Variants in GPR19 observed in about 807,000 individuals in gnomAD.
The protein encoded by GPR19 is probable G protein-coupled receptor 19.
In GPR19, 14 loss-of-function variants were observed where a neutral mutation model predicts 28.5. The observed-to-expected ratio is 0.49, with a 90% CI of 0.32 to 0.77. The LOEUF (loss-of-function observed/expected upper bound fraction) is 0.77, where lower values mean the gene tolerates loss of function less well. Among genes scored for constraint, GPR19 ranks in the 30% least tolerant of loss-of-function variants. The pLI is 0.03. For missense variants in GPR19, 409 were observed against 504.1 expected (o/e 0.81, Z 1.81); for synonymous variants, 173 against 184.1 (o/e 0.94, Z 0.49).
At chr12:12,716,358 G>A in the GPR19 span, among the ~76,000 whole-genome samples, 2 of 152,212 alleles carry the variant, frequency 1.3e-5, no homozygotes, top group Non-Finnish European at 2.9e-5. Flanking sequence ...GTGAAATCTG[G>A]TGAGAGAGAA....
At chr12:12,701,228 G>T in the GPR19 span, among the ~76,000 whole-genome samples, 63,714 of 151,994 alleles carry the variant, frequency 0.42, 13,614 homozygotes, top group South Asian at 0.46. Context: ...AGGCATTCTT[G>T]CAGAATTTTC....
At chr12:12,715,579 G>C in the GPR19 span, among the ~76,000 whole-genome samples, 1 of 152,346 alleles carries the variant, frequency 6.6e-6, no homozygotes, top group Non-Finnish European at 1.5e-5. Context: ...AGGCAACCCA[G>C]GGCCTGGGAA....
chr12:12,711,847 T>C, the GPR19 span, among the ~76,000 whole-genome samples: 3 of 152,212 alleles, frequency 2.0e-5, no homozygotes, highest in South Asian at 6.2e-4. Flanking sequence ...TCCTCTTATA[T>C]GTTCCAGCTA....
chr12:12,701,721 A>T, the GPR19 span, among the ~76,000 whole-genome samples: 2 of 152,108 alleles, frequency 1.3e-5, no homozygotes, highest in African/African-American at 4.8e-5. Flanking sequence ...GCTTGACTCC[A>T]GGAGTTTGAG....
chr12:12,663,053 G>C (rs1945703415), intron 3 of GPR19, among the ~76,000 whole-genome samples: 1 of 152,226 alleles, frequency 6.6e-6, no homozygotes, highest in Non-Finnish European at 1.5e-5. Flanking sequence ...ACATGGAGCA[G>C]TCAACACTGC....
intron 3 of GPR19, among the ~76,000 whole-genome samples, chr12:12,668,594 G>C (rs1945813053): frequency 6.6e-6 from 1 of 151,308 alleles, no homozygotes; most frequent in Admixed American, 6.6e-5. Flanking sequence ...AAGGTATAAA[G>C]ACCATTTTTA....
At chr12:12,675,972 T>C (rs917757613) in intron 3 of GPR19, among the ~76,000 whole-genome samples, 1 of 152,206 alleles carries the variant, frequency 6.6e-6, no homozygotes, top group African/African-American at 2.4e-5. Flanking sequence ...AGCCACTAAA[T>C]TTGTGTTAAC....
chr12:12,706,889 C>T, the GPR19 span, among the ~76,000 whole-genome samples: 1 of 152,212 alleles, frequency 6.6e-6, no homozygotes, highest in African/African-American at 2.4e-5. Flanking sequence ...CTACTTCTCT[C>T]TTGCCTCTTT....
intron 2 of GPR19, among the ~76,000 whole-genome samples, chr12:12,687,667 A>T (rs1448666017): frequency 6.6e-5 from 10 of 152,258 alleles, no homozygotes; most frequent in Non-Finnish European, 1.5e-5. Context: ...TAGTACTGAG[A>T]AAGTGAATAG....
chr12:12,675,928 A>G (rs1945923481), intron 3 of GPR19, among the ~76,000 whole-genome samples: 1 of 152,244 alleles, frequency 6.6e-6, no homozygotes, highest in Non-Finnish European at 1.5e-5. Flanking sequence ...CTTCTGATGT[A>G]CAGAACTGTG....
chr12:12,663,144 C>CT (rs1945705268), intron 3 of GPR19, among the ~76,000 whole-genome samples: 1 of 152,318 alleles, frequency 6.6e-6, no homozygotes, highest in African/African-American at 2.4e-5. Flanking sequence ...AGTTCATGCA[C>CT]TAATAGCTTG....
chr12:12,687,183 TTTAGA>T (rs1329726280), intron 2 of GPR19, among the ~76,000 whole-genome samples: 1 of 152,246 alleles, frequency 6.6e-6, no homozygotes, highest in Non-Finnish European at 1.5e-5. Context: ...TTTGGCACTG[TTTAGA>T]TGTTACAAAA....
At chr12:12,708,805 T>G in the GPR19 span, among the ~76,000 whole-genome samples, 9 of 152,210 alleles carry the variant, frequency 5.9e-5, 1 homozygote, top group Admixed American at 5.9e-4. Context: ...TCCCAGCACT[T>G]TGGGAAGCCA....
intron 3 of GPR19, among the ~76,000 whole-genome samples, chr12:12,668,738 A>G (rs1945816395): frequency 6.6e-6 from 1 of 152,016 alleles, no homozygotes; most frequent in Non-Finnish European, 1.5e-5. Flanking sequence ...ACCTACATGG[A>G]TACATATGGG....
the GPR19 span, among the ~76,000 whole-genome samples, chr12:12,715,541 C>T: frequency 6.6e-6 from 1 of 152,210 alleles, no homozygotes; most frequent in East Asian, 1.9e-4. Context: ...ATATCAGTGA[C>T]CACAGGCCAC....
the GPR19 span, among the ~76,000 whole-genome samples, chr12:12,712,011 C>T: frequency 5.9e-5 from 9 of 152,182 alleles, no homozygotes; most frequent in African/African-American, 1.9e-4. Context: ...TTTACTCTGC[C>T]GTCAGACACT....
chr12:12,674,834 G>A (rs751663574), intron 3 of GPR19, among the ~76,000 whole-genome samples: 2 of 152,170 alleles, frequency 1.3e-5, no homozygotes, highest in Non-Finnish European at 2.9e-5. Context: ...TGAAGATCTA[G>A]TATAATTAGT....
chr12:12,679,199 G>A (rs1945983316), intron 3 of GPR19, among the ~76,000 whole-genome samples: 1 of 152,084 alleles, frequency 6.6e-6, no homozygotes, highest in African/African-American at 2.4e-5. Flanking sequence ...GCCTCACAGT[G>A]AACATTTGGA....
chr12:12,690,111 T>C (rs1352608846), intron 2 of GPR19, among the ~76,000 whole-genome samples: 1 of 152,248 alleles, frequency 6.6e-6, no homozygotes, highest in Non-Finnish European at 1.5e-5. Context: ...GTTTGTTTTC[T>C]TTTTTAAGCT....
Sources: allele counts gnomAD v4.1 joint callset (sites outside exome capture counted in the v4.1 genomes callset), GRCh38; gene constraint gnomAD v4.1.1; transcripts MANE v1.5; gene names NCBI Gene and HGNC (gene_info 2026-07-23, HGNC 2026-07-21).